The following CHRNB3 variants were observed in gnomAD, a reference collection of about 807,000 sequenced individuals.
The protein encoded by CHRNB3 is neuronal acetylcholine receptor subunit beta-3.
A neutral mutation model predicts 40.6 loss-of-function variants in CHRNB3; 37 were observed. The ratio of observed to expected loss-of-function variants is 0.91; its 90% CI spans 0.70 to 1.20. The LOEUF (loss-of-function observed/expected upper bound fraction) is 1.20, where lower values mean the gene tolerates loss of function less well. CHRNB3 is among the 50% of genes most tolerant of loss of function. CHRNB3 has a pLI of 0.00. For missense variants in CHRNB3, 505 were observed against 551.2 expected, an observed-to-expected ratio of 0.92 and a Z score of 0.84; for synonymous variants, 207 against 207.1, an observed-to-expected ratio of 1.00 and a Z score of 0.00.
chr8:42,705,399 T>C (rs1326705097), intron 1 of CHRNB3, among the ~76,000 whole-genome samples: 1 of 152,144 alleles, frequency 6.6e-6, no homozygotes, highest in Admixed American at 6.5e-5. Context: ...CGCAGTAGTG[T>C]TGGGAGGTGG....
intron 3 of CHRNB3, among the ~76,000 whole-genome samples, chr8:42,722,819 C>G (rs1045642781): frequency 3.9e-5 from 6 of 152,154 alleles, no homozygotes; most frequent in African/African-American, 9.7e-5. Context: ...CCACCTGCCT[C>G]AGCCTTCCAG....
chr8:42,716,540 T>G (rs62516755), intron 3 of CHRNB3, among the ~76,000 whole-genome samples: 8,699 of 152,108 alleles, frequency 0.057, 332 homozygotes, highest in Middle Eastern at 0.099. Flanking sequence ...GCGCCCAGGC[T>G]AGGGCTGCAG....
chr8:42,725,753 C>A, intron 3 of CHRNB3: 1 of 917,634 alleles, frequency 1.1e-6, no homozygotes. Context: ...TTATTCGTGA[C>A]CTTGACTTGT....
Position 42,703,435 on chromosome 8 carries a change from A to AAAAAAAAAAATATATATATATAT in CHRNB3, c.53-5281_53-5280insAAAAAAAAATATATATATATATA. ...CAAGACTTCGTCTAAAAAAAAAAAA[A>AAAAAAAAAAATATATATATATAT]ATATTTATATATATATATATATATA... On this transcript the variant is annotated intron_variant, in intron 1 of 5. Coordinates refer to ENST00000289957, the MANE Select transcript of CHRNB3 (RefSeq NM_000749.5). 1.9e-3 allele frequency among the ~76,000 whole-genome samples: 89 copies of AAAAAAAAAAATATATATATATAT among 47,354 alleles called. 11 individuals are homozygous for AAAAAAAAAAATATATATATATAT. Among genetic ancestry groups the AAAAAAAAAAATATATATATATAT allele is most frequent in the Middle Eastern group, 0.01 (1 of 96 alleles). 31.1% of individuals were successfully genotyped at this position (47,354 alleles called of 152,430 possible).
rs1815995573 is a variant in CHRNB3 at position 42,710,430 on chromosome 8, A to G, written c.245A>G (p.Lys82Arg). Residue 82 changes from lysine to arginine, a missense_variant, in exon 3 of 6, where the codon AAA becomes AGA. By Grantham distance (26) the Lys-to-Arg change is conservative. Transcript: ENST00000289957. ...CTGATGACAACCAATGTGTGGCTCA[A>G]ACAGGTAAATTTCAATCCAAGGATT... ...NQLMTTNVWL[K>R]QEWTDHKLRW... The G allele has an allele frequency of 6.2e-7, 1 of 1,609,904 alleles. No homozygotes were observed. Among genetic ancestry groups the G allele is most frequent in the Non-Finnish European group, 8.5e-7 (1 of 1,177,926 alleles).
chr8:42,730,666 G>C lies in CHRNB3; in HGVS notation c.322G>C (p.Glu108Gln). Residue 108 changes from glutamate (E) to glutamine (Q), a missense_variant, in exon 4 of 6, where the codon GAA becomes CAA. Physicochemically the swap from Glu to Gln is conservative, Grantham distance 29 (BLOSUM62 2). Transcript: ENST00000289957. ...GGIHSIKVPSESLWLPDIVLF... is the reference protein window; with the variant it reads ...GGIHSIKVPSQSLWLPDIVLF... ...GATCCATTCCATTAAAGTTCCATCA[G>C]AATCTCTGTGGCTTCCTGACATAGT... 3 of 1,609,272 alleles carry C rather than the reference G, an allele frequency of 1.9e-6. No individual in the cohort carries two copies. Among genetic ancestry groups the C allele is most frequent in the Non-Finnish European group, 2.5e-6 (3 of 1,176,514 alleles).
intron 3 of CHRNB3, chr8:42,726,316 C>T (rs1464239545): frequency 1.6e-5 from 9 of 559,114 alleles, no homozygotes; most frequent in Non-Finnish European, 2.2e-5. Flanking sequence ...AGAAATAAAA[C>T]GCTCCACTTG....
At chr8:42,701,902 G>A (rs1048381494) in intron 1 of CHRNB3, among the ~76,000 whole-genome samples, 1 of 152,336 alleles carries the variant, frequency 6.6e-6, no homozygotes, top group South Asian at 2.1e-4. Flanking sequence ...AAGCCTGGAA[G>A]GTGTGAGCTG....
At chr8:42,710,061 C>A (rs957492665) in intron 2 of CHRNB3, among the ~76,000 whole-genome samples, 3 of 152,138 alleles carry the variant, frequency 2.0e-5, no homozygotes, top group African/African-American at 7.2e-5. Flanking sequence ...ATTTATATGC[C>A]ATTTGACTGT....
At chr8:42,699,519 G>T (rs1275637907) in intron 1 of CHRNB3, 1 of 152,196 alleles carries the variant, frequency 6.6e-6, no homozygotes, top group Non-Finnish European at 1.5e-5. Flanking sequence ...AACACTTTGG[G>T]AGGCCAAGGT....
At chr8:42,714,330 C>G (rs1376909789) in intron 3 of CHRNB3, among the ~76,000 whole-genome samples, 1 of 151,696 alleles carries the variant, frequency 6.6e-6, no homozygotes, top group Non-Finnish European at 1.5e-5. Flanking sequence ...CCCATCTCTA[C>G]TAAAAATAAA....
chr8:42,701,629 A>T (rs1035473028), intron 1 of CHRNB3, among the ~76,000 whole-genome samples: 5 of 152,102 alleles, frequency 3.3e-5, no homozygotes, highest in African/African-American at 7.2e-5. Flanking sequence ...GTTACTAGGG[A>T]CCTTATCAAT....
chr8:42,706,302 T>C (rs2128904885), intron 1 of CHRNB3, among the ~76,000 whole-genome samples: 1 of 151,978 alleles, frequency 6.6e-6, no homozygotes, highest in Middle Eastern at 3.4e-3. Context: ...GTTAGGGCCA[T>C]ATGGGGTCAG....
intron 3 of CHRNB3, among the ~76,000 whole-genome samples, chr8:42,724,427 A>G (rs1265392846): frequency 6.6e-6 from 1 of 152,162 alleles, no homozygotes; most frequent in Non-Finnish European, 1.5e-5. Context: ...CTCACAGCAG[A>G]GACAAGTGAA....
intron 1 of CHRNB3, among the ~76,000 whole-genome samples, chr8:42,703,440 T>A (rs7461269): frequency 0.26 from 19,668 of 75,432 alleles, 5,294 homozygotes; most frequent in Non-Finnish European, 0.41. Flanking sequence ...AAAAAAATAT[T>A]TATATATATA....
At chr8:42,714,834 G>C (rs1361832592) in intron 3 of CHRNB3, 1 of 152,212 alleles carries the variant, frequency 6.6e-6, no homozygotes, top group East Asian at 1.9e-4. Context: ...AGCACTGTTA[G>C]GGAAGTCGAC....
intron 4 of CHRNB3, among the ~76,000 whole-genome samples, chr8:42,731,418 G>A (rs1303461350): frequency 6.6e-6 from 1 of 152,100 alleles, no homozygotes; most frequent in Middle Eastern, 3.2e-3. Flanking sequence ...AGCTGCGCAT[G>A]GTGGCCGGTG....
intron 3 of CHRNB3, among the ~76,000 whole-genome samples, chr8:42,727,541 T>C (rs1240347619): frequency 1.3e-5 from 2 of 152,100 alleles, no homozygotes; most frequent in East Asian, 1.9e-4. Flanking sequence ...GTGCTGACAA[T>C]TGGACACTCA....
Position 42,732,366 on chromosome 8 carries a change from G to A in CHRNB3, c.1059G>A (p.Val353=). The A allele has an allele frequency of 6.2e-7, 1 of 1,610,628 alleles. No individual in the cohort carries two copies. Among genetic ancestry groups the A allele is most frequent in the Non-Finnish European group, 8.5e-7 (1 of 1,179,298 alleles). ...AATTACTTTGCATGAAAGATCATGT[G>A]GATCGCTACTCATCCCCAGAGAAAG... ...LPKLLCMKDH[V]DRYSSPEKEE... Residue 353 remains valine (V), a synonymous_variant, in exon 5 of 6, where the codon GTG becomes GTA. Coordinates refer to ENST00000289957, the MANE Select transcript of CHRNB3 (RefSeq NM_000749.5).
Sources: allele counts gnomAD v4.1 joint callset (sites outside exome capture counted in the v4.1 genomes callset), GRCh38; gene constraint gnomAD v4.1.1; transcripts MANE v1.5; gene names NCBI Gene and HGNC (gene_info 2026-07-23, HGNC 2026-07-21).